Variants in SLIT3 observed in about 807,000 individuals in gnomAD.
SLIT3 encodes slit homolog 3 protein.
A neutral mutation model predicts 184.0 loss-of-function variants in SLIT3; 68 were observed. That is an observed-to-expected ratio of 0.37 (90% CI 0.30 to 0.45). The LOEUF (loss-of-function observed/expected upper bound fraction) is 0.45. Ranked by LOEUF, SLIT3 falls within the 20% of genes least tolerant of loss-of-function variation. SLIT3 has a pLI of 1.00. For missense variants in SLIT3, 1,707 were observed against 2,026.0 expected, an observed-to-expected ratio of 0.84 and a Z score of 3.02; for synonymous variants, 831 against 828.6, an observed-to-expected ratio of 1.00 and a Z score of -0.05.
chr5:168,889,408 T>C (rs1285048804), intron 4 of SLIT3, among the ~76,000 whole-genome samples: 10 of 152,220 alleles, frequency 6.6e-5, no homozygotes, highest in Admixed American at 6.5e-4. Flanking sequence ...AACTGACACC[T>C]ATCTCAGGGA....
intron 8 of SLIT3, among the ~76,000 whole-genome samples, chr5:168,811,809 T>A (rs951738947): frequency 3.8e-4 from 58 of 151,928 alleles, no homozygotes; most frequent in Non-Finnish European, 6.9e-4. Context: ...AGTATGGAGG[T>A]TCCTCATAAA....
At chr5:168,862,251 G>A (rs1020002384) in intron 5 of SLIT3, among the ~76,000 whole-genome samples, 1 of 152,292 alleles carries the variant, frequency 6.6e-6, no homozygotes, top group South Asian at 2.1e-4. Context: ...ACTACACACT[G>A]GGTACAGGGT....
rs1317519471 is a variant in SLIT3, at chr5:168,804,325, A to AC, written c.935+2120_935+2121insG. Among the ~76,000 whole-genome samples the AC allele has an allele frequency of 4.0e-5, 6 of 150,472 alleles. 1 individual carries two copies. The highest frequency in any genetic ancestry group is 8.9e-5 in the Non-Finnish European group (6 of 67,584). On this transcript the variant is annotated intron_variant, in intron 9 of 35. Coordinates refer to ENST00000519560, the MANE Select transcript of SLIT3 (RefSeq NM_003062.4). Reference sequence around the variant, plus strand: ...AACTCTTTCTCAAAAAAAAAAAAAAAAAAAAAAAAAAAAAGATGAAAGGGA... The same window carrying AC: ...AACTCTTTCTCAAAAAAAAAAAAAAACAAAAAAAAAAAAAAGATGAAAGGGA...
intron 4 of SLIT3, among the ~76,000 whole-genome samples, chr5:169,085,986 G>A (rs1195774192): frequency 1.3e-5 from 2 of 152,096 alleles, no homozygotes; most frequent in Non-Finnish European, 2.9e-5. Flanking sequence ...ACTCCATGAG[G>A]GCTCCCCAAA....
At chr5:169,211,690 G>A (rs1764269654) in intron 3 of SLIT3, among the ~76,000 whole-genome samples, 1 of 152,136 alleles carries the variant, frequency 6.6e-6, no homozygotes, top group Middle Eastern at 3.2e-3. Context: ...TGCAGAATGT[G>A]CAGTTTTGTT....
At chr5:169,059,961 C>T (rs1758125105) in intron 4 of SLIT3, among the ~76,000 whole-genome samples, 2 of 152,150 alleles carry the variant, frequency 1.3e-5, no homozygotes, top group Non-Finnish European at 2.9e-5. Context: ...AAAAAGAGAC[C>T]CTAGAGAGCT....
chr5:169,114,499 C>T (rs949146563), intron 4 of SLIT3, among the ~76,000 whole-genome samples: 2 of 152,210 alleles, frequency 1.3e-5, no homozygotes, highest in African/African-American at 4.8e-5. Flanking sequence ...AATTAGATTT[C>T]CCTTTTCTTG....
intron 4 of SLIT3, among the ~76,000 whole-genome samples, chr5:169,092,657 G>A (rs1332158957): frequency 1.3e-5 from 2 of 152,216 alleles, no homozygotes; most frequent in Non-Finnish European, 2.9e-5. Context: ...TTCTTGCAGA[G>A]ATGGCAGGCA....
intron 4 of SLIT3, among the ~76,000 whole-genome samples, chr5:168,955,635 G>C (rs1762801997): frequency 6.6e-6 from 1 of 152,188 alleles, no homozygotes; most frequent in Non-Finnish European, 1.5e-5. Context: ...GGGCAGGCTT[G>C]GGAGACCTGT....
rs80262076 is a variant in SLIT3 at position 168,956,275 on chromosome 5, A to T, written c.414-72939T>A. Among the ~76,000 whole-genome samples, 283 of 152,350 alleles carry T rather than the reference A, an allele frequency of 1.9e-3. 3 individuals are homozygous for T. The East Asian group carries it at 0.047, about 25-fold the overall frequency. On this transcript the variant is annotated intron_variant, in intron 4 of 35. Transcript: ENST00000519560. Reference sequence around the variant, plus strand: ...AAACCAGCCCGTTATTCTAAAGGGCATAAAAGGCCAGTAGCATCTCTGAGA... The same window carrying T: ...AAACCAGCCCGTTATTCTAAAGGGCTTAAAAGGCCAGTAGCATCTCTGAGA...
At chr5:168,847,578 C>T (rs920038825) in intron 5 of SLIT3, among the ~76,000 whole-genome samples, 1 of 152,190 alleles carries the variant, frequency 6.6e-6, no homozygotes, top group Non-Finnish European at 1.5e-5. Context: ...CCTGCAAATA[C>T]ACTAGGTCTC....
intron 4 of SLIT3, among the ~76,000 whole-genome samples, chr5:169,124,374 C>CAGTATCACTGTGTGGACT (rs1201746196): frequency 5.3e-5 from 8 of 152,172 alleles, no homozygotes; most frequent in African/African-American, 1.9e-4. Flanking sequence ...TGAGCAAATC[C>CAGTATCACTGTGTGGACT]AGTATCACTG....
intron 4 of SLIT3, among the ~76,000 whole-genome samples, chr5:168,935,596 A>C (rs976841010): frequency 7.9e-5 from 11 of 138,832 alleles, no homozygotes; most frequent in Non-Finnish European, 1.6e-4. Flanking sequence ...TGATGAAATG[A>C]TCCTTTTAAG....
chr5:168,754,029 G>C (rs890139816), intron 16 of SLIT3, 22 bp from the exon 17 acceptor site: 9 of 1,546,380 alleles, frequency 5.8e-6, no homozygotes, highest in African/African-American at 2.7e-5. Flanking sequence ...AAACAGAATA[G>C]GGGAGAATCA....
At chr5:168,926,677 T>TA (rs1761834833) in intron 4 of SLIT3, among the ~76,000 whole-genome samples, 1 of 152,056 alleles carries the variant, frequency 6.6e-6, no homozygotes, top group South Asian at 2.1e-4. Flanking sequence ...ACAACATGAT[T>TA]AAAAAATGGG....
intron 4 of SLIT3, among the ~76,000 whole-genome samples, chr5:168,966,105 G>T (rs1763181336): frequency 6.6e-6 from 1 of 152,194 alleles, no homozygotes; most frequent in South Asian, 2.1e-4. Context: ...GGAAAAAATA[G>T]GCAACATAAA....
chr5:169,134,598 C>T (rs113552203), intron 4 of SLIT3, among the ~76,000 whole-genome samples: 4,363 of 152,132 alleles, frequency 0.029, 215 homozygotes, highest in African/African-American at 0.1. Flanking sequence ...TGGGGCCTGT[C>T]GGAGGGCTGG....
Position 168,665,505 on chromosome 5 carries a change from A to G in SLIT3, c.*949T>C, listed in dbSNP as rs1761005041. The stretch of plus-strand genomic sequence containing the variant: ...TGGAAGGAGGAGAGAGGGCCAGTGC[A>G]TGGGTCCTGAGGAGACACCATGATA... On this transcript the variant is annotated 3_prime_UTR_variant, in exon 36 of 36. Transcript: ENST00000519560. The G allele has an allele frequency of 6.6e-6, 1 of 152,168 alleles. No homozygotes were observed. 9.4% of individuals were successfully genotyped at this position (152,168 alleles called of 1,614,324 possible).
chr5:169,174,418 C>A (rs920451943), intron 4 of SLIT3, among the ~76,000 whole-genome samples: 1 of 152,176 alleles, frequency 6.6e-6, no homozygotes, highest in East Asian at 1.9e-4. Context: ...AAGAGAGCAT[C>A]TCTCCTTCTC....
Sources: gnomAD v4.1 joint callset for allele counts (sites outside exome capture counted in the v4.1 genomes callset) on GRCh38, gnomAD v4.1.1 for gene constraint, MANE v1.5 for transcripts, NCBI Gene and HGNC (gene_info 2026-07-23, HGNC 2026-07-21) for gene names.